TOB2: variants seen among roughly 807,000 people sequenced by gnomAD.
TOB2 encodes the protein protein Tob2.
A neutral mutation model predicts 17.3 loss-of-function variants in TOB2; 3 were observed. The observed-to-expected ratio is 0.17, with a 90% confidence interval of 0.08 to 0.45. The LOEUF (loss-of-function observed/expected upper bound fraction) is 0.45. Ranked by LOEUF, TOB2 falls within the 20% of genes least tolerant of loss-of-function variation. The pLI is 0.99. For missense variants in TOB2, 407 were observed against 445.7 expected (o/e 0.91, Z 0.78); for synonymous variants, 163 against 185.6 (o/e 0.88, Z 0.99).
At chr22:41,444,511 G>A (rs778612917) in intron 1 of TOB2, among the ~76,000 whole-genome samples, 18 of 152,248 alleles carry the variant, frequency 1.2e-4, no homozygotes, top group Non-Finnish European at 2.2e-4. Context: ...GGCGATAGCA[G>A]GAGTGACCTA....
intron 1 of TOB2, among the ~76,000 whole-genome samples, chr22:41,439,517 ATG>A (rs1408281737): frequency 2.0e-5 from 3 of 148,202 alleles, no homozygotes; most frequent in African/African-American, 7.9e-5. Flanking sequence ...GTATGTATGT[ATG>A]TATGTATGTA....
At chr22:41,440,749 T>C (rs956730937) in intron 1 of TOB2, among the ~76,000 whole-genome samples, 5 of 152,104 alleles carry the variant, frequency 3.3e-5, no homozygotes, top group Non-Finnish European at 7.4e-5. Flanking sequence ...GTATTTTTAG[T>C]ACACACGGGG....
Position 41,436,555 on chromosome 22 carries a change from C to A in TOB2, c.791G>T (p.Gly264Val), listed in dbSNP as rs781742402. ...AAAGAAGAGGCTGGGTGAGCCACCACCGTTGTACACGAACTCCTTGGCATT... is the reference window on the plus strand; with the variant it reads ...AAAGAAGAGGCTGGGTGAGCCACCAACGTTGTACACGAACTCCTTGGCATT... ...SPNAKEFVYN[G>V]GGSPSLFFDA... is the part of the protein sequence containing the mutation. The change falls in exon 2 of 2, where the codon GGT (glycine) becomes GTT (valine). Residue 264 changes from glycine (G) to valine (V), a missense_variant. Gly to Val is a moderately radical substitution (Grantham distance 109). Coordinates refer to ENST00000327492, the MANE Select transcript of TOB2 (RefSeq NM_016272.4). This position sits in a 1 kb window ranked among gnomAD's most constrained non-coding sequence, Gnocchi z 4.8. 6.8e-6 allele frequency: 11 copies of A among 1,609,410 alleles called. No homozygotes were observed. The South Asian group carries it at 1.1e-4, about 16-fold the overall frequency.
chr22:41,442,010 GA>G (rs979933260), intron 1 of TOB2, among the ~76,000 whole-genome samples: 158 of 150,614 alleles, frequency 1.0e-3, no homozygotes, highest in African/African-American at 3.7e-3. Flanking sequence ...AGAATCGCTT[GA>G]ACCTGGGAGG....
intron 1 of TOB2, among the ~76,000 whole-genome samples, chr22:41,443,217 T>C (rs1407281374): frequency 6.6e-6 from 1 of 152,180 alleles, no homozygotes; most frequent in Admixed American, 6.6e-5. Context: ...CCTCAGTCAG[T>C]GCAGATTCCA....
chr22:41,446,629 C>G lies in TOB2; in HGVS notation c.-313G>C, dbSNP rs1236662516. 1.3e-5 allele frequency: 2 copies of G among 153,182 alleles called. No homozygotes were observed. The highest frequency in any genetic ancestry group is 2.9e-5 in the Non-Finnish European group (2 of 68,298). The allele number at this position is 153,182 out of a possible 1,614,324, so 9.5% of individuals were successfully genotyped here. A position where few individuals can be genotyped will look rare whatever the true frequency, so the allele number is the denominator to read the frequency against. On this transcript the variant is annotated 5_prime_UTR_variant, in exon 1 of 2. Coordinates refer to ENST00000327492, the MANE Select transcript of TOB2 (RefSeq NM_016272.4). ...GGGGGCCCGAGGGCGGGCGGGCGGACTAGCGGCGACGACGCGGGGATGGCG... is the reference window on the plus strand; with the variant it reads ...GGGGGCCCGAGGGCGGGCGGGCGGAGTAGCGGCGACGACGCGGGGATGGCG...
chr22:41,446,111 C>T (rs2037683928), intron 1 of TOB2, among the ~76,000 whole-genome samples: 1 of 152,116 alleles, frequency 6.6e-6, no homozygotes, highest in African/African-American at 2.4e-5. Flanking sequence ...AGGAAATGCA[C>T]CCCACCCAGG....
In TOB2 at chr22:41,436,615, GTGA is replaced by G; in HGVS notation, c.728_730del (p.Ile243del). 5 of 1,613,482 alleles carry G rather than the reference GTGA, an allele frequency of 3.1e-6. No individual in the cohort carries two copies. Among genetic ancestry groups the G allele is most frequent in the Non-Finnish European group, 4.2e-6 (5 of 1,179,748 alleles). On this transcript the variant is annotated inframe_deletion, in exon 2 of 2. Transcript: ENST00000327492. The surrounding 1 kb of genome is among the most constrained non-coding windows in gnomAD (Gnocchi z 4.8). ...CTGGGACTGAGGGGCCGGGTTGGCCGTGATGAAGTTCAGTGAATGCATAGACAG... is the reference window on the plus strand; with the variant it reads ...CTGGGACTGAGGGGCCGGGTTGGCCGTGAAGTTCAGTGAATGCATAGACAG...
intron 1 of TOB2, 134 bp from the exon 2 acceptor site, chr22:41,437,541 T>G: frequency 9.2e-7 from 1 of 1,089,552 alleles, no homozygotes. Context: ...GTGGCTCATG[T>G]CTGACTGTGG....
intron 1 of TOB2, among the ~76,000 whole-genome samples, chr22:41,443,407 C>T (rs1268714547): frequency 6.6e-6 from 1 of 152,114 alleles, no homozygotes; most frequent in Non-Finnish European, 1.5e-5. Flanking sequence ...GCAACCTCCG[C>T]CTCCTGGGTT....
At position 41,438,463 on chromosome 22, in the gene TOB2, T is replaced by C. The variant is rs566561152; in HGVS notation, c.-62-1056A>G. On this transcript the variant is annotated intron_variant, in intron 1 of 1. Transcript: ENST00000327492. ...GACCAACATGGAGAAACCCTGTCTC[T>C]ACTAAAAATACAAAAAATTAGCCGA... is the stretch of plus-strand genomic sequence containing the variant. Among the ~76,000 whole-genome samples, 118 of 151,442 alleles carry C rather than the reference T, an allele frequency of 7.8e-4. 1 individual carries two copies. The highest frequency in any genetic ancestry group is 2.9e-3 in the African/African-American group (118 of 41,274).
In TOB2 at chr22:41,437,291, T is replaced by G; in HGVS notation, c.55A>C (p.Lys19Gln). ...LNFIISYLYN[K>Q]LPRRRADLFG... ...AGGTCTGCCCGGCGCCGGGGCAGCT[T>G]GTTGTACAAGTAGGAGATGATGAAG... is the stretch of plus-strand genomic sequence containing the variant. Residue 19 changes from lysine (K) to glutamine (Q), a missense_variant, in exon 2 of 2, where the codon AAG (lysine) becomes CAG (glutamine). Coordinates refer to ENST00000327492, the MANE Select transcript of TOB2 (RefSeq NM_016272.4). The G allele has an allele frequency of 6.2e-7, 1 of 1,614,040 alleles. No homozygotes were observed. The highest frequency in any genetic ancestry group is 1.3e-5 in the African/African-American group (1 of 74,992).
In TOB2 at chr22:41,436,758, C is replaced by A. The variant is rs1347719850; in HGVS notation, c.588G>T (p.Gly196=). 6.2e-7 allele frequency: 1 copy of A among 1,613,758 alleles called. No homozygotes were observed. Among genetic ancestry groups the A allele is most frequent in the Non-Finnish European group, 8.5e-7 (1 of 1,179,908 alleles). ...FGSTKMKKGG[G]AASGGGVASS... is the part of the protein sequence containing the mutation. ...TGGCTACACCCCCACCACTTGCTGC[C>A]CCGCCCCCCTTCTTCATCTTAGTGG... The change falls in exon 2 of 2, where the codon GGG becomes GGT. Residue 196 remains glycine (G), a synonymous_variant. Transcript: ENST00000327492. This position sits in a 1 kb window ranked among gnomAD's most constrained non-coding sequence, Gnocchi z 4.8.
Position 41,436,915 on chromosome 22 carries a change from C to T in TOB2, c.431G>A (p.Gly144Asp), listed in dbSNP as rs1196905062. 10 of 1,614,072 alleles carry T rather than the reference C, an allele frequency of 6.2e-6. No individual in the cohort carries two copies. Among genetic ancestry groups the T allele is most frequent in the Non-Finnish European group, 7.6e-6 (9 of 1,180,052 alleles). ...NPDAQVFVPI[G>D]SQDSSLSNSP... ...GTTGGACAGGGAGCTGTCCTGGCTG[C>T]CAATGGGCACGAACACCTGGGCGTC... The change falls in exon 2 of 2, where the codon GGC becomes GAC. Residue 144 changes from glycine (G) to aspartate (D), a missense_variant. Coordinates refer to ENST00000327492, the MANE Select transcript of TOB2 (RefSeq NM_016272.4). The surrounding 1 kb of genome is among the most constrained non-coding windows in gnomAD (Gnocchi z 4.8).
At chr22:41,443,439 C>T (rs2037641897) in intron 1 of TOB2, among the ~76,000 whole-genome samples, 1 of 151,998 alleles carries the variant, frequency 6.6e-6, no homozygotes, top group African/African-American at 2.4e-5. Context: ...CCCGCCTCAG[C>T]CTCCCGAGTA....
intron 1 of TOB2, among the ~76,000 whole-genome samples, chr22:41,437,635 C>A (rs1488441799): frequency 1.3e-5 from 2 of 152,074 alleles, no homozygotes; most frequent in East Asian, 3.9e-4. Context: ...GTGTACCTGG[C>A]AATTAAAAGG....
chr22:41,439,085 C>T (rs924957124), intron 1 of TOB2, among the ~76,000 whole-genome samples: 1 of 152,120 alleles, frequency 6.6e-6, no homozygotes, highest in Non-Finnish European at 1.5e-5. Context: ...GGAAGATGAT[C>T]TGTGAGGTCC....
chr22:41,443,553 C>G (rs898766902), intron 1 of TOB2, among the ~76,000 whole-genome samples: 1 of 151,042 alleles, frequency 6.6e-6, no homozygotes, highest in Non-Finnish European at 1.5e-5. Flanking sequence ...ATCTTGACCT[C>G]GTGATCCGCT....
rs900080319 is a variant in TOB2 at position 41,436,691 on chromosome 22, T to C, written c.655A>G (p.Met219Val). ...GGQQPPQQPR[M>V]ARSPTNSLLK... ...AGGCTGTTGGTGGGTGAGCGGGCCA[T>C]GCGAGGCTGCTGTGGTGGCTGCTGG... Residue 219 changes from methionine (M) to valine (V), a missense_variant, in exon 2 of 2, where the codon ATG becomes GTG. Coordinates refer to ENST00000327492, the MANE Select transcript of TOB2 (RefSeq NM_016272.4). This position sits in a 1 kb window ranked among gnomAD's most constrained non-coding sequence, Gnocchi z 4.8. 15 of 1,613,632 alleles carry C rather than the reference T, an allele frequency of 9.3e-6. No homozygotes were observed. Among genetic ancestry groups the C allele is most frequent in the Non-Finnish European group, 1.3e-5 (15 of 1,179,902 alleles).
Sources: allele counts gnomAD v4.1 joint callset (sites outside exome capture counted in the v4.1 genomes callset), GRCh38; gene constraint gnomAD v4.1.1; non-coding constraint Gnocchi (gnomAD v3.1); transcripts MANE v1.5; gene names NCBI Gene and HGNC (gene_info 2026-07-23, HGNC 2026-07-21).